The following MED27 variants were observed in gnomAD, a reference collection of about 807,000 sequenced individuals.
The protein encoded by MED27 is mediator of RNA polymerase II transcription subunit 27.
Under a neutral mutation model 38.2 loss-of-function variants are expected in MED27, and 30 were observed. The ratio of observed to expected loss-of-function variants is 0.79; its 90% CI spans 0.59 to 1.07. MED27 has a LOEUF of 1.07. Among genes scored for constraint, MED27 ranks in the 50% least tolerant of loss-of-function variants. MED27 has a pLI of 0.00. For synonymous variants in MED27, 122 were observed against 153.5 expected, an observed-to-expected ratio of 0.79 and a Z score of 1.52; for missense variants, 289 against 397.5, an observed-to-expected ratio of 0.73 and a Z score of 2.32.
chr9:132,055,207 T>G (rs1430606083), intron 2 of MED27, among the ~76,000 whole-genome samples: 1 of 152,180 alleles, frequency 6.6e-6, no homozygotes, highest in East Asian at 1.9e-4. Flanking sequence ...GGAGACAGGA[T>G]TAAGTATTCT....
intron 2 of MED27, among the ~76,000 whole-genome samples, chr9:132,065,260 G>A (rs1833783776): frequency 6.6e-6 from 1 of 152,178 alleles, no homozygotes; most frequent in Non-Finnish European, 1.5e-5. Context: ...ATGCACCGTG[G>A]CGGGAACTAC....
chr9:131,898,464 C>T (rs910707776), intron 4 of MED27, among the ~76,000 whole-genome samples: 4 of 152,144 alleles, frequency 2.6e-5, no homozygotes, highest in Admixed American at 1.3e-4. Context: ...ATCCACCCGC[C>T]CTCGGCCTCC....
chr9:131,942,534 C>T (rs114609158), intron 3 of MED27, among the ~76,000 whole-genome samples: 2,969 of 152,220 alleles, frequency 0.02, 101 homozygotes, highest in African/African-American at 0.067. Flanking sequence ...GGAGGATAGG[C>T]GATGTCTTCT....
intron 2 of MED27, chr9:132,073,307 C>A: frequency 7.1e-6 from 7 of 985,502 alleles, no homozygotes; most frequent in Non-Finnish European, 8.4e-6. Flanking sequence ...AAAATACAAG[C>A]AAGCAAACCA....
chr9:131,985,813 A>G (rs1831837491), intron 3 of MED27, among the ~76,000 whole-genome samples: 1 of 152,130 alleles, frequency 6.6e-6, no homozygotes, highest in Admixed American at 6.5e-5. Context: ...ATAGGAGATG[A>G]CAGCTCTGTG....
intron 3 of MED27, among the ~76,000 whole-genome samples, chr9:131,957,503 C>A (rs747799534): frequency 2.0e-5 from 3 of 152,200 alleles, no homozygotes; most frequent in Admixed American, 6.5e-5. Context: ...CGAGCCTCCC[C>A]CTTTGGCCTC....
chr9:132,049,507 G>T (rs1037539789), intron 2 of MED27, among the ~76,000 whole-genome samples: 2 of 152,178 alleles, frequency 1.3e-5, no homozygotes, highest in Non-Finnish European at 2.9e-5. Flanking sequence ...AGCCCAGTGG[G>T]GAGGAGGCAA....
At chr9:132,030,774 G>A (rs1240867497) in intron 2 of MED27, among the ~76,000 whole-genome samples, 5 of 152,178 alleles carry the variant, frequency 3.3e-5, no homozygotes, top group East Asian at 1.9e-4. Flanking sequence ...TGTTGAACAC[G>A]GCAGAATGAA....
At chr9:132,053,847 G>A (rs936032568) in intron 2 of MED27, among the ~76,000 whole-genome samples, 5 of 151,960 alleles carry the variant, frequency 3.3e-5, no homozygotes, top group African/African-American at 1.2e-4. Flanking sequence ...GATCTCAGGG[G>A]AACACTGTTT....
chr9:131,957,963 G>A (rs1186075139), intron 3 of MED27, among the ~76,000 whole-genome samples: 2 of 151,848 alleles, frequency 1.3e-5, no homozygotes, highest in Non-Finnish European at 2.9e-5. Context: ...GGAGACCAGA[G>A]TCTGCCTGGA....
intron 5 of MED27, among the ~76,000 whole-genome samples, chr9:131,886,179 G>C (rs1343305471): frequency 6.6e-6 from 1 of 152,202 alleles, no homozygotes; most frequent in Non-Finnish European, 1.5e-5. Flanking sequence ...GCAGGGCTGT[G>C]AACAGGCATA....
At chr9:132,026,256 T>G (rs1832815981) in intron 2 of MED27, among the ~76,000 whole-genome samples, 2 of 152,228 alleles carry the variant, frequency 1.3e-5, no homozygotes, top group Non-Finnish European at 2.9e-5. Flanking sequence ...TAGCCTGCTT[T>G]GGGACCAGGA....
chr9:131,899,093 G>A (rs1253259276), intron 4 of MED27, among the ~76,000 whole-genome samples: 4 of 152,194 alleles, frequency 2.6e-5, no homozygotes, highest in African/African-American at 9.6e-5. Context: ...CACAGGGCCT[G>A]GCACAGGGAG....
chr9:131,966,905 A>T (rs1258075218), intron 3 of MED27, among the ~76,000 whole-genome samples: 11 of 152,258 alleles, frequency 7.2e-5, no homozygotes. Context: ...CGTAGCAAGT[A>T]CTATCTGGAT....
intron 3 of MED27, among the ~76,000 whole-genome samples, chr9:131,970,102 G>A (rs1279139150): frequency 2.0e-5 from 3 of 152,238 alleles, no homozygotes; most frequent in Admixed American, 6.5e-5. Context: ...AAGTGGGTCT[G>A]TGAACAGCAA....
At chr9:131,898,080 A>G (rs1251377002) in intron 4 of MED27, among the ~76,000 whole-genome samples, 1 of 151,468 alleles carries the variant, frequency 6.6e-6, no homozygotes, top group Non-Finnish European at 1.5e-5. Flanking sequence ...CCAATTGATA[A>G]TTAGATGAGA....
intron 2 of MED27, among the ~76,000 whole-genome samples, chr9:132,056,779 C>A (rs1276915064): frequency 1.3e-5 from 2 of 152,178 alleles, no homozygotes; most frequent in Non-Finnish European, 2.9e-5. Flanking sequence ...TCTCTGAGAA[C>A]TGTACACCCC....
At chr9:132,044,638 T>C (rs142977040) in intron 2 of MED27, among the ~76,000 whole-genome samples, 227 of 152,380 alleles carry the variant, frequency 1.5e-3, no homozygotes, top group Non-Finnish European at 2.4e-3. Flanking sequence ...GCTTTGCAGT[T>C]GGATCTGCTG....
At position 131,863,074 on chromosome 9, in the gene MED27, G is replaced by A. The variant is rs1425027713; in HGVS notation, c.790C>T (p.Arg264Ter). The change falls in exon 7 of 8, where the codon CGA (arginine) becomes TGA (stop). Residue 264 changes from arginine to a stop codon, truncating the protein, a stop_gained. Coordinates refer to ENST00000292035, the MANE Select transcript of MED27 (RefSeq NM_004269.4). LOFTEE classifies it high-confidence loss of function. ...TTGAAGCCACTTACCATGAAGGATC[G>A]GACCACGACATCCGGCATCTGGGGC... Reference protein sequence around the residue: ...QLPQMPDVVVRSFMTWLRSYI... With the variant: ...QLPQMPDVVV 8.7e-6 allele frequency: 14 copies of A among 1,614,054 alleles called. No individual in the cohort carries two copies. Among genetic ancestry groups the A allele is most frequent in the Non-Finnish European group, 1.1e-5 (13 of 1,179,960 alleles).
Sources: allele counts gnomAD v4.1 joint callset (sites outside exome capture counted in the v4.1 genomes callset), GRCh38; gene constraint gnomAD v4.1.1; transcripts MANE v1.5; gene names NCBI Gene and HGNC (gene_info 2026-07-23, HGNC 2026-07-21).